The following AKT3 variants were observed in gnomAD, a reference collection of about 807,000 sequenced individuals.
The protein encoded by AKT3 is RAC-gamma serine/threonine-protein kinase.
A neutral mutation model predicts 65.3 loss-of-function variants in AKT3; 15 were observed. That is an observed-to-expected ratio of 0.23 (90% CI 0.15 to 0.35). The LOEUF is 0.35. Ranked by LOEUF, AKT3 falls within the 10% of genes least tolerant of loss-of-function variation. The pLI, the probability that AKT3 is intolerant of heterozygous loss-of-function variation, is 1.00. For missense variants in AKT3, 243 were observed against 576.5 expected (o/e 0.42, Z 5.92); for synonymous variants, 206 against 183.8 (o/e 1.12, Z -0.98).
chr1:243,681,160 G>T (rs973159146), intron 3 of AKT3, among the ~76,000 whole-genome samples: 1 of 152,080 alleles, frequency 6.6e-6, no homozygotes, highest in Non-Finnish European at 1.5e-5. Context: ...AGTTTCTCCA[G>T]CTATAAAATA....
intron 10 of AKT3, among the ~76,000 whole-genome samples, chr1:243,560,602 G>T (rs1449674702): frequency 1.3e-5 from 2 of 152,056 alleles, no homozygotes; most frequent in Non-Finnish European, 2.9e-5. Context: ...ATCCACCAAG[G>T]ATGGGTATAC....
At chr1:243,614,605 A>G (rs1430545293) in intron 7 of AKT3, among the ~76,000 whole-genome samples, 2 of 152,132 alleles carry the variant, frequency 1.3e-5, no homozygotes, top group East Asian at 1.9e-4. Context: ...TAGCATTCCC[A>G]TATTTCTTAA....
At chr1:243,530,753 A>G (rs1291100761) in intron 12 of AKT3, among the ~76,000 whole-genome samples, 1 of 152,208 alleles carries the variant, frequency 6.6e-6, no homozygotes, top group Non-Finnish European at 1.5e-5. Flanking sequence ...TGAAAGAATT[A>G]ACAAAATAGA....
chr1:243,576,460 A>G (rs776050757), intron 8 of AKT3, among the ~76,000 whole-genome samples: 3 of 152,190 alleles, frequency 2.0e-5, no homozygotes, highest in Non-Finnish European at 4.4e-5. Flanking sequence ...TTGTTTGCAG[A>G]TGACATGATC....
chr1:243,569,014 G>A lies in AKT3; in HGVS notation c.819+3912C>T, dbSNP rs574769024. ...GTTCCTAAGGGCTCCGATGACTACT[G>A]CAGCAATAGAAATAAACAATTCCTG... On this transcript the variant is annotated intron_variant, in intron 9 of 13. Transcript: ENST00000673466. Among the ~76,000 whole-genome samples, 321 of 152,302 alleles carry A rather than the reference G, an allele frequency of 2.1e-3. 2 individuals are homozygous for A. The highest frequency in any genetic ancestry group is 7.5e-3 in the African/African-American group (311 of 41,564).
intron 6 of AKT3, among the ~76,000 whole-genome samples, chr1:243,617,121 C>T (rs1433482053): frequency 6.6e-6 from 1 of 152,010 alleles, no homozygotes; most frequent in African/African-American, 2.4e-5. Context: ...GTCAAGTGTG[C>T]AAGAGTTCAT....
Position 243,619,464 on chromosome 1 carries a change from G to GC in AKT3, c.562-4304_562-4303insG, listed in dbSNP as rs1309723481. Among the ~76,000 whole-genome samples, 10 of 101,346 alleles carry GC rather than the reference G, an allele frequency of 9.9e-5. 4 individuals are homozygous for GC. The highest frequency in any genetic ancestry group is 2.5e-4 in the Non-Finnish European group (9 of 35,908). 66.5% of individuals were successfully genotyped at this position (101,346 alleles called of 152,430 possible). On this transcript the variant is annotated intron_variant, in intron 6 of 13. Coordinates refer to ENST00000673466, the MANE Select transcript of AKT3 (RefSeq NM_005465.7). ...TCTAACACTAGGTCTTATTACAACT[G>GC]TACTTCTGTACCTATTAATCAACTC... is the stretch of plus-strand genomic sequence containing the variant.
chr1:243,725,585 G>C (rs1687163260), intron 2 of AKT3, among the ~76,000 whole-genome samples: 1 of 152,170 alleles, frequency 6.6e-6, no homozygotes, highest in Non-Finnish European at 1.5e-5. Flanking sequence ...ATTTGCAAGG[G>C]TTAAGGGTCG....
intron 3 of AKT3, among the ~76,000 whole-genome samples, chr1:243,667,018 T>C (rs1295953342): frequency 6.6e-6 from 1 of 152,078 alleles, no homozygotes; most frequent in African/African-American, 2.4e-5. Flanking sequence ...CTGCCCAGCA[T>C]CACTAGGGAG....
At chr1:243,509,480 G>A (rs987225517) in intron 13 of AKT3, among the ~76,000 whole-genome samples, 1 of 152,086 alleles carries the variant, frequency 6.6e-6, no homozygotes, top group African/African-American at 2.4e-5. Context: ...AGTCAATCAT[G>A]AAAAAATGAC....
At chr1:243,744,294 G>C (rs1688338838) in intron 2 of AKT3, among the ~76,000 whole-genome samples, 1 of 152,130 alleles carries the variant, frequency 6.6e-6, no homozygotes, top group South Asian at 2.1e-4. Context: ...TGACTGTAAG[G>C]GTAGAGGAAG....
chr1:243,600,789 A>C (rs1406300376), intron 8 of AKT3, among the ~76,000 whole-genome samples: 1 of 152,188 alleles, frequency 6.6e-6, no homozygotes, highest in Non-Finnish European at 1.5e-5. Flanking sequence ...AAATCTTAAC[A>C]AACTTCAGTT....
intron 2 of AKT3, among the ~76,000 whole-genome samples, chr1:243,732,424 G>C (rs986443070): frequency 2.6e-5 from 4 of 152,116 alleles, no homozygotes; most frequent in African/African-American, 9.7e-5. Context: ...CTCAATCTTT[G>C]GAATTACTAA....
intron 2 of AKT3, among the ~76,000 whole-genome samples, chr1:243,749,100 G>C (rs927506994): frequency 6.6e-6 from 1 of 151,814 alleles, no homozygotes; most frequent in African/African-American, 2.4e-5. Flanking sequence ...CAGTTGAAAA[G>C]TTCCCTTCTA....
chr1:243,503,115 T>C lies in AKT3; in HGVS notation c.*2134A>G, dbSNP rs1669425576. 1 of 233,676 alleles carries C rather than the reference T, an allele frequency of 4.3e-6. No individual in the cohort carries two copies. Among genetic ancestry groups the C allele is most frequent in the African/African-American group, 2.2e-5 (1 of 45,468 alleles). The allele number at this position is 233,676 out of a possible 1,614,324, so 14.5% of individuals were successfully genotyped here. A position where few individuals can be genotyped will look rare whatever the true frequency, so the allele number is the denominator to read the frequency against. On this transcript the variant is annotated 3_prime_UTR_variant, in exon 14 of 14. Transcript: ENST00000673466. ...TAATTCCAAGTGAAAAAAAAAAGAT[T>C]AGCTATGTGTGTAAGTAAGAATGAA...
chr1:243,528,348 C>A (rs1389538280), intron 12 of AKT3, among the ~76,000 whole-genome samples: 1 of 152,090 alleles, frequency 6.6e-6, no homozygotes, highest in Non-Finnish European at 1.5e-5. Context: ...GGTTGAGTGG[C>A]ACACACGTAG....
chr1:243,613,239 A>T (rs558768300), intron 8 of AKT3, among the ~76,000 whole-genome samples: 1 of 151,320 alleles, frequency 6.6e-6, no homozygotes, highest in African/African-American at 2.4e-5. Flanking sequence ...ACTATAAAGA[A>T]GAGAAAACTC....
chr1:243,802,382 C>T (rs535738519), intron 2 of AKT3, among the ~76,000 whole-genome samples: 3 of 152,176 alleles, frequency 2.0e-5, no homozygotes, highest in Admixed American at 6.5e-5. Flanking sequence ...AAGTAATATT[C>T]CTGGCTAGAA....
intron 2 of AKT3, among the ~76,000 whole-genome samples, chr1:243,731,480 A>G (rs10803155): frequency 0.83 from 126,648 of 152,164 alleles, 52,865 homozygotes; most frequent in Non-Finnish European, 0.87. Context: ...CGTCCTCTAC[A>G]CACATAGTGA....
Sources: allele counts gnomAD v4.1 joint callset (sites outside exome capture counted in the v4.1 genomes callset), GRCh38; gene constraint gnomAD v4.1.1; transcripts MANE v1.5; gene names NCBI Gene and HGNC (gene_info 2026-07-23, HGNC 2026-07-21).